Variants in SLC25A48 observed in about 807,000 individuals in gnomAD.
The protein encoded by SLC25A48 is CTC-321K16.1.
In SLC25A48, 29 loss-of-function variants were observed where a neutral mutation model predicts 32.2. The ratio of observed to expected loss-of-function variants is 0.90; its 90% CI spans 0.67 to 1.23. The LOEUF (loss-of-function observed/expected upper bound fraction) is 1.23, where lower values mean the gene tolerates loss of function less well. Ranked by LOEUF, SLC25A48 falls within the 50% of genes most tolerant of loss-of-function variation. The pLI is 0.00. For synonymous variants in SLC25A48, 164 were observed against 172.3 expected, an observed-to-expected ratio of 0.95 and a Z score of 0.38; for missense variants, 399 against 422.7, an observed-to-expected ratio of 0.94 and a Z score of 0.49.
In SLC25A48 at chr5:135,617,378, A is replaced by G. The variant is rs186924743; in HGVS notation, c.-848-11859A>G. 1.5e-3 allele frequency among the ~76,000 whole-genome samples: 227 copies of G among 151,726 alleles called. 1 individual carries two copies. Among genetic ancestry groups the G allele is most frequent in the South Asian group, 3.6e-3 (17 of 4,782 alleles). On this transcript the variant is annotated intron_variant, in intron 1 of 10. Coordinates refer to the SLC25A48 transcript ENST00000646290. ...AGGTTACTGTAGCAAGTGATATATC[A>G]ATTTTGTTTATTTGTTTTTAATAAA...
rs561469160 is a variant in SLC25A48 at position 135,739,179 on chromosome 5, G to A, written c.-520-73344G>A. ...GTTGCCCAGGCTGGAGTGCAGTGAT[G>A]TGATCATGGCTCACTGGAGCCTTGA... On this transcript the variant is annotated intron_variant, in intron 3 of 10. Coordinates refer to the SLC25A48 transcript ENST00000646290. Among the ~76,000 whole-genome samples the A allele has an allele frequency of 9.1e-4, 139 of 152,216 alleles. 1 individual carries two copies. The highest frequency in any genetic ancestry group is 3.3e-3 in the African/African-American group (136 of 41,558).
At chr5:135,830,110 G>C (rs1758164541), upstream of SLC25A48, among the ~76,000 whole-genome samples, 1 of 152,182 alleles carries the variant, frequency 6.6e-6, no homozygotes, top group African/African-American at 2.4e-5. Flanking sequence ...TGGCACCTCA[G>C]ACTCCCCTCT....
At chr5:135,725,985 G>T (rs1156834255) in intron 3 of SLC25A48, among the ~76,000 whole-genome samples, 1 of 152,186 alleles carries the variant, frequency 6.6e-6, no homozygotes, top group East Asian at 1.9e-4. Context: ...GCACTGACAA[G>T]CTGCGCCTAC....
intron 4 of SLC25A48, among the ~76,000 whole-genome samples, chr5:135,862,977 G>A (rs1032189541): frequency 4.6e-5 from 7 of 152,192 alleles, no homozygotes; most frequent in Non-Finnish European, 1.0e-4. Flanking sequence ...GAGAAAACTG[G>A]CCTCTGGAAG....
intron 3 of SLC25A48, among the ~76,000 whole-genome samples, chr5:135,785,752 G>A (rs1263614424): frequency 6.8e-6 from 1 of 147,530 alleles, no homozygotes; most frequent in East Asian, 2.1e-4. Context: ...TGGGGCGGGG[G>A]TGAAACATCC....
intron 3 of SLC25A48, among the ~76,000 whole-genome samples, chr5:135,635,852 A>G (rs1463207609): frequency 6.6e-6 from 1 of 152,184 alleles, no homozygotes; most frequent in Non-Finnish European, 1.5e-5. Context: ...CTCTTGGTAC[A>G]GCCCATTCCA....
chr5:135,592,986 AC>A (rs1212448312), intron 1 of SLC25A48, among the ~76,000 whole-genome samples: 2 of 152,140 alleles, frequency 1.3e-5, no homozygotes, highest in African/African-American at 4.8e-5. Context: ...GCTGCCCTGA[AC>A]CACCACTGAA....
At chr5:135,788,481 A>T (rs1323936232) in intron 3 of SLC25A48, among the ~76,000 whole-genome samples, 1 of 140,860 alleles carries the variant, frequency 7.1e-6, no homozygotes, top group Non-Finnish European at 1.5e-5. Flanking sequence ...GGAGAGGGTG[A>T]TATTTCTTCC....
intron 3 of SLC25A48, among the ~76,000 whole-genome samples, chr5:135,763,764 T>TACACAC (rs56030521): frequency 2.1e-3 from 259 of 125,724 alleles, no homozygotes; most frequent in African/African-American, 6.1e-3. Context: ...AACACACACA[T>TACACAC]ACACACACAC....
At chr5:135,702,930 C>G (rs961719255) in intron 3 of SLC25A48, among the ~76,000 whole-genome samples, 2 of 152,180 alleles carry the variant, frequency 1.3e-5, no homozygotes, top group Non-Finnish European at 2.9e-5. Context: ...CACACAGGAC[C>G]CTCTTCGGGA....
chr5:135,842,494 A>G (rs1257978755), intron 2 of SLC25A48, 35 bp downstream of exon 2: 17 of 1,599,088 alleles, frequency 1.1e-5, no homozygotes, highest in Non-Finnish European at 1.5e-5. Flanking sequence ...CCTCTTAAAA[A>G]GAGGCATGGA....
chr5:135,829,234 C>T (rs1286397720), intron 4 of SLC25A48, among the ~76,000 whole-genome samples: 3 of 152,156 alleles, frequency 2.0e-5, no homozygotes, highest in Non-Finnish European at 4.4e-5. Context: ...AGGTGCTCAG[C>T]CAGGCTTTCA....
chr5:135,739,662 G>T (rs1323048741), intron 3 of SLC25A48, among the ~76,000 whole-genome samples: 3 of 152,208 alleles, frequency 2.0e-5, no homozygotes, highest in Non-Finnish European at 4.4e-5. Context: ...AATCTGTGCT[G>T]CTTGACTTTA....
intron 5 of SLC25A48, 187 bp downstream of exon 5, chr5:135,871,905 T>C (rs1399609407): frequency 3.4e-6 from 5 of 1,482,180 alleles, no homozygotes; most frequent in African/African-American, 1.4e-5. Flanking sequence ...CCCTTCCCTA[T>C]GCAGCTATGA....
chr5:135,817,575 G>GAACTTGA (rs1344056119), intron 4 of SLC25A48, among the ~76,000 whole-genome samples: 2 of 152,150 alleles, frequency 1.3e-5, no homozygotes, highest in Non-Finnish European at 2.9e-5. Context: ...TGAGGCTATA[G>GAACTTGA]AACTTGAAAA....
intron 3 of SLC25A48, among the ~76,000 whole-genome samples, chr5:135,677,547 G>A (rs1000493877): frequency 1.3e-5 from 2 of 151,940 alleles, no homozygotes; most frequent in African/African-American, 4.8e-5. Context: ...TTTGTGGTTT[G>A]CTGATTTTCT....
chr5:135,620,700 G>T (rs1230101029), intron 1 of SLC25A48, among the ~76,000 whole-genome samples: 1 of 152,146 alleles, frequency 6.6e-6, no homozygotes, highest in Non-Finnish European at 1.5e-5. Flanking sequence ...ACACAGTCTA[G>T]TGGGAGCTAG....
chr5:135,751,201 C>T (rs1034662292), intron 3 of SLC25A48, among the ~76,000 whole-genome samples: 5 of 152,174 alleles, frequency 3.3e-5, no homozygotes, highest in African/African-American at 1.2e-4. Flanking sequence ...ACACTCCGTG[C>T]CTTCCAGCAT....
intron 6 of SLC25A48, chr5:135,875,053 A>C: frequency 3.8e-6 from 1 of 261,076 alleles, no homozygotes; most frequent in Non-Finnish European, 7.2e-6. Flanking sequence ...ACTCCATTCA[A>C]TATGTAACCC....
Sources: gnomAD v4.1 joint callset for allele counts (sites outside exome capture counted in the v4.1 genomes callset) on GRCh38, gnomAD v4.1.1 for gene constraint, MANE v1.5 for transcripts, NCBI Gene and HGNC (gene_info 2026-07-23, HGNC 2026-07-21) for gene names.